The following CNOT2 variants were observed in gnomAD, a reference collection of about 807,000 sequenced individuals.
CNOT2 encodes the protein CC chemokine receptor 4-negative regulator of transcription 2.
Under a neutral mutation model 72.1 loss-of-function variants are expected in CNOT2, and 7 were observed. That is an observed-to-expected ratio of 0.10 (90% CI 0.06 to 0.18). The LOEUF (loss-of-function observed/expected upper bound fraction) is 0.18. Among genes scored for constraint, CNOT2 ranks in the 10% least tolerant of loss-of-function variants. CNOT2 has a pLI of 1.00. For synonymous variants in CNOT2, 196 were observed against 225.6 expected, an observed-to-expected ratio of 0.87 and a Z score of 1.17; for missense variants, 345 against 660.3, an observed-to-expected ratio of 0.52 and a Z score of 5.23.
rs1197862260 is a variant in CNOT2 at position 70,346,168 on chromosome 12, T to A, written c.1392-12T>A. ...GGAAAAAGTTAATTATCTTTTCTTT[T>A]AAAAATTGAAGTTTTAACCGTGATT... is the stretch of plus-strand genomic sequence containing the variant. On this transcript the variant is annotated splice_polypyrimidine_tract_variant and intron_variant, in intron 14 of 15. Transcript: ENST00000229195. 1 of 1,577,252 alleles carries A rather than the reference T, an allele frequency of 6.3e-7. No homozygotes were observed. The highest frequency in any genetic ancestry group is 1.4e-5 in the African/African-American group (1 of 73,654).
At chr12:70,302,104 C>CAG (rs1874124616) in intron 2 of CNOT2, among the ~76,000 whole-genome samples, 1 of 151,746 alleles carries the variant, frequency 6.6e-6, no homozygotes, top group South Asian at 2.1e-4. Flanking sequence ...TTTGATTCTT[C>CAG]TCTCTTCTTT....
chr12:70,243,246 G>C (rs1565713458), upstream of CNOT2: 1 of 152,680 alleles, frequency 6.5e-6, no homozygotes, highest in South Asian at 2.1e-4. Context: ...CGGTAAGGGC[G>C]GTAGGGAAGT....
At chr12:70,323,143 T>A (rs1878558368) in intron 4 of CNOT2, 1 of 151,680 alleles carries the variant, frequency 6.6e-6, no homozygotes, top group Non-Finnish European at 1.5e-5. Context: ...GAATTAAAGT[T>A]GACAAATACT....
chr12:70,318,022 C>T (rs1313251613), intron 3 of CNOT2, among the ~76,000 whole-genome samples: 1 of 151,888 alleles, frequency 6.6e-6, no homozygotes, highest in Non-Finnish European at 1.5e-5. Context: ...ACCTCCTTTT[C>T]CCGTTATACC....
chr12:70,306,950 C>T lies in CNOT2; in HGVS notation c.49-3945C>T, dbSNP rs111796837. Among the ~76,000 whole-genome samples the T allele has an allele frequency of 7.1e-3, 1,084 of 152,288 alleles. 6 individuals carry two copies. The highest frequency in any genetic ancestry group is 0.024 in the African/African-American group (1,006 of 41,566). On this transcript the variant is annotated intron_variant, in intron 2 of 15. Transcript: ENST00000229195. ...ACGAATTCTGTAGGCAGTTGTAACACATTGGTATTTGTGTATTTAAACATA... is the reference window on the plus strand; with the variant it reads ...ACGAATTCTGTAGGCAGTTGTAACATATTGGTATTTGTGTATTTAAACATA...
chr12:70,296,541 A>T (rs1426628755), intron 2 of CNOT2, among the ~76,000 whole-genome samples: 1 of 152,078 alleles, frequency 6.6e-6, no homozygotes, highest in Non-Finnish European at 1.5e-5. Context: ...CACTTTTCTT[A>T]GATCCATCCT....
intron 2 of CNOT2, among the ~76,000 whole-genome samples, chr12:70,282,332 G>A (rs17107929): frequency 0.045 from 6,876 of 152,102 alleles, 671 homozygotes; most frequent in East Asian, 0.44. Context: ...TATTCCGTAC[G>A]TTTCTGAAGA....
intron 4 of CNOT2, among the ~76,000 whole-genome samples, chr12:70,325,668 C>T (rs898693478): frequency 2.6e-5 from 4 of 151,732 alleles, no homozygotes; most frequent in African/African-American, 9.7e-5. Context: ...GAATCATTAA[C>T]CAGCTAAGTG....
chr12:70,318,455 G>A (rs1361224726), intron 3 of CNOT2, among the ~76,000 whole-genome samples: 3 of 151,400 alleles, frequency 2.0e-5, no homozygotes, highest in Admixed American at 6.6e-5. Flanking sequence ...ATAGTTTTGG[G>A]GGTACAGGTG....
chr12:70,290,742 A>G (rs971505576), intron 2 of CNOT2: 1 of 151,994 alleles, frequency 6.6e-6, no homozygotes, highest in African/African-American at 2.4e-5. Flanking sequence ...GGGTCTCACT[A>G]TGTTGCCCAG....
chr12:70,295,340 C>T (rs12312511), intron 2 of CNOT2, among the ~76,000 whole-genome samples: 2,045 of 152,204 alleles, frequency 0.013, 43 homozygotes, highest in African/African-American at 0.046. Context: ...TACAGACTTC[C>T]CAGCAGTTTG....
intron 7 of CNOT2, among the ~76,000 whole-genome samples, chr12:70,333,947 G>A (rs1217025453): frequency 6.6e-6 from 1 of 151,854 alleles, no homozygotes; most frequent in East Asian, 1.9e-4. Flanking sequence ...GTCTGACAGT[G>A]CCATCTTAGA....
chr12:70,294,051 G>T, intron 2 of CNOT2: 1 of 1,162,906 alleles, frequency 8.6e-7, no homozygotes, highest in Non-Finnish European at 1.1e-6. Context: ...TTTATAGCAT[G>T]ATTTCCTTAT....
chr12:70,305,873 GTTTT>G (rs11412509), intron 2 of CNOT2, among the ~76,000 whole-genome samples: 2 of 60,074 alleles, frequency 3.3e-5, no homozygotes, highest in African/African-American at 6.5e-5. Flanking sequence ...TCTGAAGTTT[GTTTT>G]TTTTTTTTTT....
chr12:70,245,612 C>CT (rs1249915305), intron 1 of CNOT2, among the ~76,000 whole-genome samples: 6 of 152,060 alleles, frequency 3.9e-5, no homozygotes, highest in Admixed American at 3.9e-4. Flanking sequence ...TTCTATAATA[C>CT]TTTAATTTAC....
At chr12:70,348,409 G>A (rs1381673521) in intron 15 of CNOT2, among the ~76,000 whole-genome samples, 4 of 152,090 alleles carry the variant, frequency 2.6e-5, no homozygotes, top group African/African-American at 7.2e-5. Flanking sequence ...CCTAAGTGAC[G>A]GTAGTAATGA....
intron 6 of CNOT2, chr12:70,330,716 C>A (rs1168863774): frequency 2.7e-6 from 1 of 369,352 alleles, no homozygotes; most frequent in Non-Finnish European, 4.8e-6. Flanking sequence ...TTCTTGGATT[C>A]GCCACCAGGC....
At chr12:70,263,792 C>G (rs1314799610) in intron 1 of CNOT2, among the ~76,000 whole-genome samples, 1 of 152,132 alleles carries the variant, frequency 6.6e-6, no homozygotes, top group East Asian at 1.9e-4. Context: ...TTTACATGAA[C>G]TTTGCAGCAT....
intron 1 of CNOT2, among the ~76,000 whole-genome samples, chr12:70,252,243 G>GTATCATGATC (rs1958175381): frequency 6.6e-6 from 1 of 152,128 alleles, no homozygotes; most frequent in African/African-American, 2.4e-5. Context: ...CTGGAATGCA[G>GTATCATGATC]TATCATGATC....
Sources: gnomAD v4.1 joint callset for allele counts (sites outside exome capture counted in the v4.1 genomes callset) on GRCh38, gnomAD v4.1.1 for gene constraint, MANE v1.5 for transcripts, NCBI Gene and HGNC (gene_info 2026-07-23, HGNC 2026-07-21) for gene names.